Variants in CEP63 observed in about 807,000 individuals in gnomAD.
CEP63 encodes the protein centrosomal protein 63.
Under a neutral mutation model 89.1 loss-of-function variants are expected in CEP63, and 84 were observed. The ratio of observed to expected loss-of-function variants is 0.94; its 90% confidence interval spans 0.79 to 1.13. CEP63 has a LOEUF of 1.13. Ranked by LOEUF, CEP63 falls within the 50% of genes most tolerant of loss-of-function variation. The pLI is 0.00. For missense variants in CEP63, 838 were observed against 813.3 expected (o/e 1.03, Z -0.37); for synonymous variants, 267 against 272.5 (o/e 0.98, Z 0.20).
chr3:134,492,456 C>G (rs1938023823), intron 1 of CEP63, among the ~76,000 whole-genome samples: 1 of 137,434 alleles, frequency 7.3e-6, no homozygotes, highest in Non-Finnish European at 1.6e-5. Flanking sequence ...TTTGCCTGAT[C>G]CTGAGAATTG....
At chr3:134,623,214 TG>T in the CEP63 span, among the ~76,000 whole-genome samples, 1 of 152,202 alleles carries the variant, frequency 6.6e-6, no homozygotes, top group South Asian at 2.1e-4. Context: ...GCTCTGTGGC[TG>T]GGTCTCTGGC....
chr3:134,703,580 T>G, the CEP63 span, among the ~76,000 whole-genome samples: 6 of 151,604 alleles, frequency 4.0e-5, no homozygotes, highest in East Asian at 1.2e-3. Context: ...AGTGATGAGA[T>G]GCATGGACAC....
the CEP63 span, among the ~76,000 whole-genome samples, chr3:134,776,654 C>T: frequency 6.6e-6 from 1 of 152,098 alleles, no homozygotes; most frequent in African/African-American, 2.4e-5. Flanking sequence ...TGGTTTGGGG[C>T]AGCTGGCTGA....
chr3:134,500,741 G>A (rs1260202249), intron 2 of CEP63, among the ~76,000 whole-genome samples: 1 of 152,122 alleles, frequency 6.6e-6, no homozygotes, highest in African/African-American at 2.4e-5. Flanking sequence ...TTAGCCCTTT[G>A]TTGGATGCAT....
the CEP63 span, chr3:134,627,963 C>T: frequency 3.0e-6 from 2 of 657,768 alleles, no homozygotes; most frequent in African/African-American, 3.6e-5. Flanking sequence ...ACCCCACTGA[C>T]CACTGAATTG....
chr3:134,747,384 G>A, the CEP63 span, among the ~76,000 whole-genome samples: 2 of 152,330 alleles, frequency 1.3e-5, no homozygotes, highest in East Asian at 1.9e-4. Context: ...TGCCATCAGG[G>A]AAACCACTGC....
chr3:134,570,563 A>G (rs1418333487), intron 11 of CEP63, among the ~76,000 whole-genome samples: 1 of 152,190 alleles, frequency 6.6e-6, no homozygotes, highest in African/African-American at 2.4e-5. Context: ...TTCATTGTCC[A>G]TATAGTTATC....
chr3:134,738,966 TA>T, the CEP63 span, among the ~76,000 whole-genome samples: 65,203 of 146,482 alleles, frequency 0.45, 14,574 homozygotes, highest in East Asian at 0.71. Context: ...ATGGCTATAA[TA>T]AAAAAAAAAA....
the CEP63 span, among the ~76,000 whole-genome samples, chr3:134,647,695 C>A: frequency 6.6e-6 from 1 of 152,190 alleles, no homozygotes; most frequent in Non-Finnish European, 1.5e-5. Flanking sequence ...ACTGTTAAAA[C>A]AGTTTTCAAG....
chr3:134,602,295 TG>T, the CEP63 span, among the ~76,000 whole-genome samples: 1 of 152,064 alleles, frequency 6.6e-6, no homozygotes, highest in African/African-American at 2.4e-5. Flanking sequence ...TCCGTTGCCA[TG>T]GCAACGGCAG....
chr3:134,635,516 T>G, the CEP63 span, among the ~76,000 whole-genome samples: 9 of 54,160 alleles, frequency 1.7e-4, no homozygotes, highest in South Asian at 6.1e-4. Flanking sequence ...AAAAAAAAAG[T>G]ACTTCTCAAC....
the CEP63 span, among the ~76,000 whole-genome samples, chr3:134,743,993 G>A: frequency 6.6e-6 from 1 of 152,036 alleles, no homozygotes; most frequent in Non-Finnish European, 1.5e-5. Flanking sequence ...AGTTCTGTTG[G>A]ACCATGCTGA....
At chr3:134,511,554 G>A (rs1377230510) in intron 3 of CEP63, 2 of 152,686 alleles carry the variant, frequency 1.3e-5, no homozygotes, top group Non-Finnish European at 2.9e-5. Flanking sequence ...ATTGCAATAA[G>A]GAACTACCTG....
the CEP63 span, among the ~76,000 whole-genome samples, chr3:134,688,316 A>C: frequency 6.6e-6 from 1 of 152,252 alleles, no homozygotes; most frequent in Non-Finnish European, 1.5e-5. Context: ...TTCCATCTAC[A>C]TGAAATGCCC....
At chr3:134,576,118 C>T (rs554699031), downstream of CEP63, among the ~76,000 whole-genome samples, 26 of 152,286 alleles carry the variant, frequency 1.7e-4, no homozygotes, top group African/African-American at 6.0e-4. Context: ...GGGAAGTCTT[C>T]TCTTGAATGT....
chr3:134,760,186 G>A, the CEP63 span, among the ~76,000 whole-genome samples: 4 of 151,156 alleles, frequency 2.6e-5, no homozygotes. Context: ...AGCCTCCCGC[G>A]TAGCTGGGAC....
In CEP63 at chr3:134,556,645, A is replaced by T. The variant is rs185453528; in HGVS notation, c.1468-1497A>T. ...CAGTGATTATCTGTTCATATTTAAG[A>T]ATTGAGAACTCTCAGGGGAACTTAA... On this transcript the variant is annotated intron_variant, in intron 12 of 14. Coordinates refer to ENST00000675561, the MANE Select transcript of CEP63 (RefSeq NM_001353108.3). Among the ~76,000 whole-genome samples, 6 of 152,302 alleles carry T rather than the reference A, an allele frequency of 3.9e-5. No homozygotes were observed. The East Asian group carries it at 1.2e-3, about 29-fold the overall frequency.
At chr3:134,720,512 G>A in the CEP63 span, among the ~76,000 whole-genome samples, 1 of 151,904 alleles carries the variant, frequency 6.6e-6, no homozygotes, top group East Asian at 1.9e-4. Context: ...TGTGCTTTTG[G>A]TGTCATACAT....
the CEP63 span, among the ~76,000 whole-genome samples, chr3:134,680,881 A>G: frequency 6.6e-6 from 1 of 152,218 alleles, no homozygotes; most frequent in Non-Finnish European, 1.5e-5. Flanking sequence ...TCTGTTTAGA[A>G]CTTGCTTCTG....
Sources: gnomAD v4.1 joint callset for allele counts (sites outside exome capture counted in the v4.1 genomes callset) on GRCh38, gnomAD v4.1.1 for gene constraint, MANE v1.5 for transcripts, NCBI Gene and HGNC (gene_info 2026-07-23, HGNC 2026-07-21) for gene names.